The following AKR1C3 variants were observed in gnomAD, a reference collection of about 807,000 sequenced individuals.
AKR1C3 encodes aldo-keto reductase family 1 member C3.
A neutral mutation model predicts 43.6 loss-of-function variants in AKR1C3; 48 were observed. That is an observed-to-expected ratio of 1.10 (90% confidence interval 0.87 to 1.40). AKR1C3 has a LOEUF of 1.40. Among genes scored for constraint, AKR1C3 ranks in the 40% most tolerant of loss-of-function variants. AKR1C3 has a pLI of 0.00. For synonymous variants in AKR1C3, 162 were observed against 139.6 expected, an observed-to-expected ratio of 1.16 and a Z score of -1.13; for missense variants, 482 against 391.2, an observed-to-expected ratio of 1.23 and a Z score of -1.96.
At chr10:5,072,863 C>G (rs1357623723) in intron 1 of AKR1C3, among the ~76,000 whole-genome samples, 1 of 152,144 alleles carries the variant, frequency 6.6e-6, no homozygotes, top group Non-Finnish European at 1.5e-5. Flanking sequence ...TATTTCTTGG[C>G]TATATAAAGG....
intron 1 of AKR1C3, among the ~76,000 whole-genome samples, chr10:5,085,944 C>A (rs369010605): frequency 1.3e-5 from 2 of 151,544 alleles, no homozygotes; most frequent in Non-Finnish European, 2.9e-5. Flanking sequence ...TTTTTTATTG[C>A]GTCTATTTGA....
At chr10:5,104,036 T>C (rs1283178684) in intron 7 of AKR1C3, among the ~76,000 whole-genome samples, 6 of 151,864 alleles carry the variant, frequency 4.0e-5, no homozygotes, top group Non-Finnish European at 7.4e-5. Context: ...TTAGATGTAT[T>C]ATTGAAGTAC....
chr10:5,097,671 C>A (rs1235683647), intron 3 of AKR1C3, 121 bp downstream of exon 3: 1 of 1,567,382 alleles, frequency 6.4e-7, no homozygotes, highest in Admixed American at 1.9e-5. Context: ...AGAAGAAGAA[C>A]CGTAAGTGGA....
At chr10:5,072,428 T>C (rs1838629786) in intron 1 of AKR1C3, among the ~76,000 whole-genome samples, 2 of 152,336 alleles carry the variant, frequency 1.3e-5, no homozygotes, top group South Asian at 4.1e-4. Context: ...TCTATGCTCA[T>C]GTCTTAGACT....
At chr10:5,076,768 C>T (rs1485116288) in intron 1 of AKR1C3, among the ~76,000 whole-genome samples, 1 of 152,156 alleles carries the variant, frequency 6.6e-6, no homozygotes, top group Non-Finnish European at 1.5e-5. Flanking sequence ...CACTGTCATG[C>T]ATAGAGCTCT....
At chr10:5,101,943 AATTT>A (rs1324749301) in intron 5 of AKR1C3, among the ~76,000 whole-genome samples, 154 bp from the exon 6 acceptor site, 2 of 152,320 alleles carry the variant, frequency 1.3e-5, no homozygotes, top group South Asian at 2.1e-4. Context: ...AGATATATAA[AATTT>A]ATTTCTATGA....
Position 5,096,216 on chromosome 10 carries a change from C to G in AKR1C3, c.85-194C>G, listed in dbSNP as rs1203824705. 7.0e-6 allele frequency: 4 copies of G among 569,092 alleles called. No individual in the cohort carries two copies. In the South Asian group the frequency reaches 1.1e-4, roughly 15 times the overall value. The allele number at this position is 569,092 out of a possible 1,614,324, so 35.3% of individuals were successfully genotyped here. A position where few individuals can be genotyped will look rare whatever the true frequency, so the allele number is the denominator to read the frequency against. On this transcript the variant is annotated intron_variant, in intron 1 of 8. Transcript: ENST00000380554. Reference sequence around the variant, plus strand: ...ATAACAGTGATCAACCAGAGATTGCCTGAGACTGAAGGTGTTTCTGGGATG... The same window carrying G: ...ATAACAGTGATCAACCAGAGATTGCGTGAGACTGAAGGTGTTTCTGGGATG...
At chr10:5,072,206 T>A (rs1366382040) in intron 1 of AKR1C3, among the ~76,000 whole-genome samples, 2 of 152,220 alleles carry the variant, frequency 1.3e-5, no homozygotes, top group East Asian at 3.8e-4. Flanking sequence ...GGCCAAACCC[T>A]GGCATAAGTC....
rs568822384 is a variant in AKR1C3, at chr10:5,098,893, GGA to G, written c.447+18_447+19del. On this transcript the variant is annotated intron_variant, in intron 4 of 8. Coordinates refer to ENST00000380554, the MANE Select transcript of AKR1C3 (RefSeq NM_003739.6). The stretch of plus-strand genomic sequence containing the variant: ...ACCACCTGGGAGGTGAGTGCTTGGC[GGA>G]GAGGACACAGAGAAGGATGACAAAA... 16 of 1,597,790 alleles carry G rather than the reference GGA, an allele frequency of 1.0e-5. No individual in the cohort carries two copies. The East Asian group carries it at 3.1e-4, about 31-fold the overall frequency.
At chr10:5,086,343 C>G (rs1554783071) in intron 1 of AKR1C3, among the ~76,000 whole-genome samples, 1 of 151,470 alleles carries the variant, frequency 6.6e-6, no homozygotes, top group Non-Finnish European at 1.5e-5. Flanking sequence ...ACCCAGTAGT[C>G]ATTCAGGAGC....
At chr10:5,097,319 C>A in intron 2 of AKR1C3, 115 bp from the exon 3 acceptor site, 1 of 1,235,230 alleles carries the variant, frequency 8.1e-7, no homozygotes, top group Non-Finnish European at 1.1e-6. Context: ...AATATGTTTG[C>A]CAGTGGTCAT....
intron 6 of AKR1C3, 137 bp downstream of exon 6, chr10:5,102,347 T>C: frequency 1.9e-6 from 3 of 1,597,836 alleles, no homozygotes; most frequent in Non-Finnish European, 2.6e-6. Context: ...GACGAGATCT[T>C]GGATGATGCT....
At position 5,061,721 on chromosome 10, in the gene AKR1C3, C is replaced by A. The variant is rs556015913; in HGVS notation, c.84+12826C>A. On this transcript the variant is annotated intron_variant, in intron 1 of 8. Transcript: ENST00000439082. ...CTGTGGTAGGACAGGACATTGAAGA[C>A]ACCATTGACTGATCAGATTCCCCTA... Among the ~76,000 whole-genome samples the A allele has an allele frequency of 2.0e-3, 311 of 152,314 alleles. 2 individuals are homozygous for A. The highest frequency in any genetic ancestry group is 6.6e-3 in the African/African-American group (275 of 41,560).
chr10:5,056,338 C>T lies in AKR1C3; in HGVS notation c.84+7443C>T, dbSNP rs143789739. ...CATCCTTGAGGTCCAGAACCATGAA[C>T]GATTCTGCTTCCTCTAGTATTTGAG... On this transcript the variant is annotated intron_variant, in intron 1 of 8. Transcript: ENST00000439082. Among the ~76,000 whole-genome samples the T allele has an allele frequency of 2.3e-3, 346 of 152,252 alleles. 2 individuals are homozygous for T. The highest frequency in any genetic ancestry group is 7.8e-3 in the African/African-American group (322 of 41,536).
At chr10:5,053,228 A>G (rs1385965762) in intron 1 of AKR1C3, among the ~76,000 whole-genome samples, 2 of 152,220 alleles carry the variant, frequency 1.3e-5, no homozygotes, top group Non-Finnish European at 2.9e-5. Flanking sequence ...CCAGCCACAC[A>G]GGAGCCCACG....
In AKR1C3 at chr10:5,087,376, C is replaced by CTTTTTTTTTTTTT. The variant is rs1564364889; in HGVS notation, c.85-9031_85-9030insTTTTTTTTTTTTT. Among the ~76,000 whole-genome samples the CTTTTTTTTTTTTT allele has an allele frequency of 4.4e-5, 2 of 45,366 alleles. 1 individual carries two copies. The highest frequency in any genetic ancestry group is 8.9e-5 in the Non-Finnish European group (2 of 22,440). The allele number at this position is 45,366 out of a possible 152,430, so 29.8% of individuals were successfully genotyped here. On this transcript the variant is annotated intron_variant, in intron 1 of 8. Coordinates refer to the AKR1C3 transcript ENST00000439082. ...AGTTTTAATGTCACCTTTATCATTTCTTTCTTTTTTTTTTTTTTTTGAGGC... is the reference window on the plus strand; with the variant it reads ...AGTTTTAATGTCACCTTTATCATTTCTTTTTTTTTTTTTTTTCTTTTTTTTTTTTTTTTGAGGC...
At chr10:5,089,397 G>A (rs1408980850) in intron 1 of AKR1C3, among the ~76,000 whole-genome samples, 3 of 151,900 alleles carry the variant, frequency 2.0e-5, no homozygotes, top group African/African-American at 7.2e-5. Flanking sequence ...TAGATTTGAT[G>A]GCTTTATATA....
At chr10:5,092,623 A>C (rs781812320), upstream of AKR1C3, among the ~76,000 whole-genome samples, 6 of 151,554 alleles carry the variant, frequency 4.0e-5, no homozygotes, top group Admixed American at 6.6e-5. Context: ...TCAGCTCCAA[A>C]ATTTGTTTGG....
chr10:5,077,490 C>A, intron 1 of AKR1C3: 1 of 165,738 alleles, frequency 6.0e-6, no homozygotes, highest in Non-Finnish European at 1.2e-5. Flanking sequence ...CCTACCCTAG[C>A]TAAGTACTTT....
Sources: gnomAD v4.1 joint callset for allele counts (sites outside exome capture counted in the v4.1 genomes callset) on GRCh38, gnomAD v4.1.1 for gene constraint, MANE v1.5 for transcripts, NCBI Gene and HGNC (gene_info 2026-07-23, HGNC 2026-07-21) for gene names.